Variants in NRG4 observed in about 807,000 individuals in gnomAD.
NRG4 encodes the protein pro-neuregulin-4, membrane-bound isoform.
Under a neutral mutation model 15.0 loss-of-function variants are expected in NRG4, and 10 were observed. The ratio of observed to expected loss-of-function variants is 0.67; its 90% confidence interval spans 0.41 to 1.13. NRG4 has a LOEUF of 1.13. Among genes scored for constraint, NRG4 ranks in the 50% most tolerant of loss-of-function variants. The pLI is 0.00. For synonymous variants in NRG4, 41 were observed against 50.1 expected, an observed-to-expected ratio of 0.82 and a Z score of 0.77; for missense variants, 139 against 140.2, an observed-to-expected ratio of 0.99 and a Z score of 0.04.
intron 3 of NRG4, among the ~76,000 whole-genome samples, chr15:75,985,780 A>T (rs1215120809): frequency 6.6e-6 from 1 of 151,648 alleles, no homozygotes. Flanking sequence ...CCCATAAAAG[A>T]CTGATAAAAT....
intron 4 of NRG4, among the ~76,000 whole-genome samples, chr15:76,039,274 G>A (rs2035671688): frequency 6.6e-6 from 1 of 152,036 alleles, no homozygotes; most frequent in Admixed American, 6.6e-5. Flanking sequence ...AACTAAATAA[G>A]GTGCGAGGCC....
At chr15:75,945,552 C>A (rs2031449033) in intron 5 of NRG4, among the ~76,000 whole-genome samples, 1 of 152,092 alleles carries the variant, frequency 6.6e-6, no homozygotes, top group South Asian at 2.1e-4. Context: ...CCAGACATTA[C>A]AAATATAGCA....
intron 3 of NRG4, among the ~76,000 whole-genome samples, chr15:75,983,602 C>A (rs1157464928): frequency 2.0e-5 from 3 of 151,822 alleles, no homozygotes; most frequent in Non-Finnish European, 4.4e-5. Flanking sequence ...ATCTTGAAAA[C>A]CCAAAGGAAT....
rs747627369 is a variant in NRG4 at position 75,977,865 on chromosome 15, G to A, written c.105-15891C>T. On this transcript the variant is annotated intron_variant, in intron 3 of 5. Transcript: ENST00000394907. The surrounding 1 kb of genome is among the most constrained non-coding windows in gnomAD (Gnocchi z 4.9). ...GGAGTCTCACTCTGTTGCCCAGGCT[G>A]GAGTGCAGTGGTGTGATCTCGGCTC... Among the ~76,000 whole-genome samples, 3 of 152,070 alleles carry A rather than the reference G, an allele frequency of 2.0e-5. No homozygotes were observed. The highest frequency in any genetic ancestry group is 4.4e-5 in the Non-Finnish European group (3 of 68,020).
intron 3 of NRG4, among the ~76,000 whole-genome samples, chr15:75,976,140 CG>C (rs2033355011): frequency 6.6e-6 from 1 of 152,092 alleles, no homozygotes; most frequent in Admixed American, 6.6e-5. Context: ...TATTGATACC[CG>C]TGTATGCTTT....
At chr15:75,997,338 G>C (rs1269566219) in intron 3 of NRG4, among the ~76,000 whole-genome samples, 2 of 151,608 alleles carry the variant, frequency 1.3e-5, no homozygotes, top group African/African-American at 4.9e-5. Flanking sequence ...ACCCTTCTTT[G>C]CTTGGTATTA....
intron 3 of NRG4, among the ~76,000 whole-genome samples, chr15:76,003,876 C>T (rs1247673331): frequency 1.3e-5 from 2 of 151,946 alleles, no homozygotes; most frequent in African/African-American, 2.4e-5. Flanking sequence ...TAAGGCATTC[C>T]GAGATAAAAG....
intron 4 of NRG4, among the ~76,000 whole-genome samples, chr15:76,048,730 A>T (rs555051576): frequency 6.6e-6 from 1 of 150,594 alleles, no homozygotes; most frequent in Admixed American, 6.6e-5. Flanking sequence ...CTTGAAGCCT[A>T]GAAACTCAGT....
At chr15:75,994,497 T>C (rs1276612997) in intron 3 of NRG4, among the ~76,000 whole-genome samples, 1 of 152,250 alleles carries the variant, frequency 6.6e-6, no homozygotes, top group African/African-American at 2.4e-5. Flanking sequence ...TCAACTACTT[T>C]TGTTTCTTCC....
At chr15:75,944,417 TAAC>T (rs1215573044) in intron 5 of NRG4, among the ~76,000 whole-genome samples, 4 of 152,290 alleles carry the variant, frequency 2.6e-5, no homozygotes, top group East Asian at 1.9e-4. Context: ...GGATGGTGTC[TAAC>T]AACAATATAA....
At chr15:75,978,500 A>G (rs1421715268) in intron 3 of NRG4, among the ~76,000 whole-genome samples, 3 of 152,224 alleles carry the variant, frequency 2.0e-5, no homozygotes, top group Non-Finnish European at 4.4e-5. Flanking sequence ...TAGTGCTGCA[A>G]TAAACATGGG....
intron 4 of NRG4, among the ~76,000 whole-genome samples, chr15:75,960,493 G>A (rs534021260): frequency 8.5e-5 from 13 of 152,258 alleles, no homozygotes; most frequent in African/African-American, 3.1e-4. Context: ...AGTTAAGTCA[G>A]GAGTCAACTA....
In NRG4 at chr15:76,050,444, T is replaced by TG. The variant is rs2035970789; in HGVS notation, c.-105+1622_-105+1623insC. On this transcript the variant is annotated intron_variant, in intron 4 of 8. Coordinates refer to the NRG4 transcript ENST00000563910. ...TTGTCACCCCGAGCCTTCGTTTTTT[T>TG]TTTTTTTTTTTTTTTGAAACGGAGT... is the stretch of plus-strand genomic sequence containing the variant. Among the ~76,000 whole-genome samples the TG allele has an allele frequency of 3.7e-5, 5 of 136,570 alleles. 2 individuals carry two copies. Among genetic ancestry groups the TG allele is most frequent in the African/African-American group, 6.2e-5 (2 of 32,460 alleles). The allele number at this position is 136,570 out of a possible 152,430, so 89.6% of individuals were successfully genotyped here.
chr15:76,027,121 AAAAAT>A (rs958991312), intron 5 of NRG4, among the ~76,000 whole-genome samples: 3 of 152,082 alleles, frequency 2.0e-5, no homozygotes, highest in Non-Finnish European at 2.9e-5. Flanking sequence ...ACTCCATCTC[AAAAAT>A]AAAATAAAAT....
upstream of NRG4, chr15:76,059,947 G>C (rs1422926593): frequency 2.0e-5 from 3 of 148,906 alleles, no homozygotes; most frequent in Non-Finnish European, 4.5e-5. Context: ...GGCGGAGAGG[G>C]GAGCCCCGGG....
At chr15:75,960,363 T>C (rs1051252400) in intron 4 of NRG4, among the ~76,000 whole-genome samples, 1 of 152,218 alleles carries the variant, frequency 6.6e-6, no homozygotes, top group Non-Finnish European at 1.5e-5. Flanking sequence ...TCTGGTTATC[T>C]ACTTATGCAT....
At chr15:75,943,914 GC>G (rs1026091584) in intron 5 of NRG4, among the ~76,000 whole-genome samples, 1 of 139,164 alleles carries the variant, frequency 7.2e-6, no homozygotes, top group African/African-American at 2.7e-5. Flanking sequence ...CACACCCCCC[GC>G]CCCTCACTGT....
At chr15:76,002,801 A>G (rs1054005535) in intron 3 of NRG4, among the ~76,000 whole-genome samples, 1 of 152,178 alleles carries the variant, frequency 6.6e-6, no homozygotes, top group African/African-American at 2.4e-5. Context: ...ACTTATGTAC[A>G]TGTAATAATT....
At chr15:75,943,908 C>A (rs908742227) in intron 5 of NRG4, among the ~76,000 whole-genome samples, 4 of 151,854 alleles carry the variant, frequency 2.6e-5, no homozygotes, top group African/African-American at 7.3e-5. Flanking sequence ...CCTGCCCACA[C>A]CCCCCGCCCC....
Sources: allele counts gnomAD v4.1 joint callset (sites outside exome capture counted in the v4.1 genomes callset), GRCh38; gene constraint gnomAD v4.1.1; non-coding constraint Gnocchi (gnomAD v3.1); transcripts MANE v1.5; gene names NCBI Gene and HGNC (gene_info 2026-07-23, HGNC 2026-07-21).